The following ZBTB7C variants were observed in gnomAD, a reference collection of about 807,000 sequenced individuals.
ZBTB7C encodes the protein zinc finger and BTB domain containing 7C, also known as zinc finger and BTB domain-containing protein 7C.
ZBTB7C carries 8 observed loss-of-function variants against 25.7 expected under a neutral mutation model. The ratio of observed to expected loss-of-function variants is 0.31; its 90% CI spans 0.18 to 0.56. The LOEUF (loss-of-function observed/expected upper bound fraction) is 0.56, where lower values mean the gene tolerates loss of function less well. ZBTB7C is among the 20% of genes least tolerant of loss of function. The pLI is 0.91. For synonymous variants in ZBTB7C, 394 were observed against 369.0 expected, an observed-to-expected ratio of 1.07 and a Z score of -0.78; for missense variants, 824 against 855.2, an observed-to-expected ratio of 0.96 and a Z score of 0.46.
At chr18:48,281,823 G>A in intron 2 of ZBTB7C, among the ~76,000 whole-genome samples, 1 of 149,720 alleles carries the variant, frequency 6.7e-6, no homozygotes, top group Non-Finnish European at 1.5e-5. Context: ...AGGTGCTGGA[G>A]AGGATGTGGA....
At chr18:48,163,194 G>A (rs549125472) in intron 3 of ZBTB7C, among the ~76,000 whole-genome samples, 59 of 152,282 alleles carry the variant, frequency 3.9e-4, no homozygotes, top group African/African-American at 1.4e-3. Context: ...GAATGAAAAG[G>A]ACAGTTGGAA....
chr18:48,340,758 C>T (rs1433398861), intron 1 of ZBTB7C, among the ~76,000 whole-genome samples: 1 of 152,220 alleles, frequency 6.6e-6, no homozygotes, highest in Non-Finnish European at 1.5e-5. Context: ...ATTCTCATTC[C>T]TAATTATCTG....
chr18:48,122,759 T>G (rs1482075086), intron 3 of ZBTB7C, among the ~76,000 whole-genome samples: 1 of 152,148 alleles, frequency 6.6e-6, no homozygotes, highest in African/African-American at 2.4e-5. Flanking sequence ...TGCTGTACAT[T>G]CAGTCCAACC....
intron 2 of ZBTB7C, among the ~76,000 whole-genome samples, chr18:48,301,066 T>C (rs1344788341): frequency 2.0e-5 from 3 of 152,226 alleles, no homozygotes; most frequent in Non-Finnish European, 4.4e-5. Context: ...TAGTCTGTTG[T>C]TGGGCACCCA....
At chr18:48,363,496 A>G (rs2047157920) in intron 1 of ZBTB7C, among the ~76,000 whole-genome samples, 1 of 152,178 alleles carries the variant, frequency 6.6e-6, no homozygotes. Flanking sequence ...CGGCAACATG[A>G]GTTCAAGGAA....
chr18:48,156,384 T>C (rs112953033), intron 3 of ZBTB7C, among the ~76,000 whole-genome samples: 737 of 152,372 alleles, frequency 4.8e-3, no homozygotes, highest in Non-Finnish European at 8.1e-3. Flanking sequence ...GCGCCCCTTT[T>C]CTTTTGAGGC....
intron 1 of ZBTB7C, among the ~76,000 whole-genome samples, chr18:48,355,957 T>A (rs1378290144): frequency 6.6e-6 from 1 of 152,134 alleles, no homozygotes; most frequent in African/African-American, 2.4e-5. Flanking sequence ...TACTGTGAAC[T>A]TTTCCTGGGC....
At chr18:48,228,446 G>T (rs1420955977) in intron 2 of ZBTB7C, among the ~76,000 whole-genome samples, 2 of 152,122 alleles carry the variant, frequency 1.3e-5, no homozygotes, top group Non-Finnish European at 2.9e-5. Flanking sequence ...TTATGGCACT[G>T]CTGGCCTTGC....
At chr18:48,188,584 A>G (rs974965885) in intron 2 of ZBTB7C, among the ~76,000 whole-genome samples, 1 of 152,212 alleles carries the variant, frequency 6.6e-6, no homozygotes, top group Non-Finnish European at 1.5e-5. Flanking sequence ...CCCATGGCTC[A>G]TAAGCATGGT....
At chr18:48,312,190 G>C (rs1271103771) in intron 2 of ZBTB7C, among the ~76,000 whole-genome samples, 1 of 152,246 alleles carries the variant, frequency 6.6e-6, no homozygotes, top group Non-Finnish European at 1.5e-5. Flanking sequence ...TGGAGATCCA[G>C]TCCCCTCCTG....
Position 48,282,367 on chromosome 18 carries a change from C to T in ZBTB7C, c.-79+55807G>A, listed in dbSNP as rs1017959677. Among the ~76,000 whole-genome samples, 7 of 149,810 alleles carry T rather than the reference C, an allele frequency of 4.7e-5. No homozygotes were observed. The East Asian group carries it at 1.0e-3, about 21-fold the overall frequency. ...AGGAGATATACCTAATGCTAAATGA[C>T]GAGTTAATGGGTGCAGCAAACCAAC... is the stretch of plus-strand genomic sequence containing the variant. On this transcript the variant is annotated intron_variant, in intron 2 of 4. Transcript: ENST00000590800.
intron 2 of ZBTB7C, among the ~76,000 whole-genome samples, chr18:48,280,848 C>CTT (rs55760047): frequency 5.1e-3 from 410 of 79,858 alleles, no homozygotes; most frequent in Middle Eastern, 0.014. Context: ...TTTTCTCTCT[C>CTT]TTTTTTTTTT....
In ZBTB7C at chr18:48,107,411, A is replaced by C. The variant is rs539891697; in HGVS notation, c.-16-66288T>G. ...GGAGAAGGGCCCAGGAAGAAGAAAG[A>C]GGGAAGAAGAGGAAGAGGAGAGGGA... On this transcript the variant is annotated intron_variant, in intron 3 of 4. Transcript: ENST00000590800. 3.3e-5 allele frequency among the ~76,000 whole-genome samples: 5 copies of C among 150,466 alleles called. No individual in the cohort carries two copies. In the East Asian group the frequency reaches 9.9e-4, roughly 30 times the overall value.
At chr18:48,116,055 C>T (rs1164569199) in intron 3 of ZBTB7C, among the ~76,000 whole-genome samples, 1 of 151,904 alleles carries the variant, frequency 6.6e-6, no homozygotes, top group Non-Finnish European at 1.5e-5. Flanking sequence ...TACTCTTTTG[C>T]ATGTATCAAG....
At chr18:48,332,779 G>A (rs1199368518) in intron 2 of ZBTB7C, among the ~76,000 whole-genome samples, 2 of 149,762 alleles carry the variant, frequency 1.3e-5, no homozygotes, top group Admixed American at 1.3e-4. Flanking sequence ...TGACTCCATG[G>A]GCTTAGCTAA....
chr18:48,291,387 C>T (rs767400765), intron 2 of ZBTB7C, among the ~76,000 whole-genome samples: 1 of 152,110 alleles, frequency 6.6e-6, no homozygotes, highest in African/African-American at 2.4e-5. Context: ...AAAGCAGCAA[C>T]AAAAACTATT....
At chr18:48,213,963 T>G (rs1287288729) in intron 2 of ZBTB7C, among the ~76,000 whole-genome samples, 3 of 152,052 alleles carry the variant, frequency 2.0e-5, no homozygotes, top group Admixed American at 1.3e-4. Flanking sequence ...CAGGGTGAGG[T>G]GAGTCAAAGG....
At chr18:48,124,706 G>A (rs551914674) in intron 3 of ZBTB7C, among the ~76,000 whole-genome samples, 1 of 152,308 alleles carries the variant, frequency 6.6e-6, no homozygotes, top group Non-Finnish European at 1.5e-5. Flanking sequence ...TTGGTTTGGT[G>A]TCTGTGAAGT....
chr18:48,335,890 T>C (rs1230156748), intron 2 of ZBTB7C, among the ~76,000 whole-genome samples: 1 of 152,246 alleles, frequency 6.6e-6, no homozygotes, highest in African/African-American at 2.4e-5. Context: ...ATTGTTACTT[T>C]TTTAAATGCT....
Sources: gnomAD v4.1 joint callset for allele counts (sites outside exome capture counted in the v4.1 genomes callset) on GRCh38, gnomAD v4.1.1 for gene constraint, MANE v1.5 for transcripts, NCBI Gene and HGNC (gene_info 2026-07-23, HGNC 2026-07-21) for gene names.